Variants in ITIH5 observed in about 807,000 individuals in gnomAD.
ITIH5 encodes the protein inter-alpha-trypsin inhibitor heavy chain H5.
ITIH5 carries 65 observed loss-of-function variants against 77.5 expected under a neutral mutation model. The observed-to-expected ratio is 0.84, with a 90% CI of 0.69 to 1.03. ITIH5 has a LOEUF of 1.03. Ranked by LOEUF, ITIH5 falls within the 50% of genes least tolerant of loss-of-function variation. The pLI, the probability that ITIH5 is intolerant of heterozygous loss-of-function variation, is 0.00. For missense variants in ITIH5, 1,208 were observed against 1,213.1 expected (o/e 1.00, Z 0.06); for synonymous variants, 525 against 494.3 (o/e 1.06, Z -0.82).
At chr10:7,585,829 A>AAAAC (rs372953289) in intron 8 of ITIH5, 72 bp downstream of exon 8, 298,696 of 1,341,386 alleles carry the variant, frequency 0.22, 15,962 homozygotes, top group East Asian at 0.35. Flanking sequence ...TCTTGGCAAA[A>AAAAC]AAAAAAAAAA....
intron 2 of ITIH5, among the ~76,000 whole-genome samples, chr10:7,650,102 G>A (rs935996542): frequency 6.6e-6 from 1 of 152,188 alleles, no homozygotes; most frequent in Non-Finnish European, 1.5e-5. Context: ...AGGGACCCAA[G>A]CTTTGGGTAT....
chr10:7,662,051 T>C (rs1017814309), intron 1 of ITIH5, among the ~76,000 whole-genome samples: 3 of 152,220 alleles, frequency 2.0e-5, no homozygotes, highest in Non-Finnish European at 4.4e-5. Context: ...ACCCTGTTTA[T>C]TTTATTTACC....
chr10:7,592,600 G>A (rs1479191071), intron 7 of ITIH5, among the ~76,000 whole-genome samples: 1 of 152,206 alleles, frequency 6.6e-6, no homozygotes, highest in Non-Finnish European at 1.5e-5. Flanking sequence ...CAGCCCTTGA[G>A]AACCTAAGAC....
Position 7,666,702 on chromosome 10 carries a change from G to A in ITIH5, c.90+101C>T, listed in dbSNP as rs1367340197. On this transcript the variant is annotated intron_variant, in intron 1 of 13. Transcript: ENST00000397146. ...CCCCTGGGCCTCTGGTGGGGGCCTG[G>A]GAGACGGTCGAAGGGGGCCCGGGCA... 9.1e-6 allele frequency: 8 copies of A among 880,852 alleles called. No homozygotes were observed. The East Asian group carries it at 2.3e-4, about 26-fold the overall frequency. The allele number at this position is 880,852 out of a possible 1,614,324, so 54.6% of individuals were successfully genotyped here.
At chr10:7,629,285 CCCTGTTGTAG>C (rs1833664973) in intron 5 of ITIH5, among the ~76,000 whole-genome samples, 3 of 113,472 alleles carry the variant, frequency 2.6e-5, no homozygotes, top group Non-Finnish European at 3.6e-5. Context: ...TAGCGTGTGT[CCCTGTTGTAG>C]CGTGTGTCCA....
rs1181952205 is a variant in ITIH5, at chr10:7,629,124, C to T, written c.652+8104G>A. The stretch of plus-strand genomic sequence containing the variant: ...GTGTGTCCATGTTGTAGAGTGTGTC[C>T]GTGTTGTAGCATGTGTCCGTGTTGT... On this transcript the variant is annotated intron_variant, in intron 5 of 13. Transcript: ENST00000397146. Among the ~76,000 whole-genome samples the T allele has an allele frequency of 1.5e-5, 2 of 136,396 alleles. 1 individual carries two copies. The highest frequency in any genetic ancestry group is 3.3e-5 in the Non-Finnish European group (2 of 60,286). 89.5% of individuals were successfully genotyped at this position (136,396 alleles called of 152,430 possible).
intron 9 of ITIH5, among the ~76,000 whole-genome samples, chr10:7,579,158 T>C (rs983386317): frequency 6.6e-6 from 1 of 152,216 alleles, no homozygotes; most frequent in Non-Finnish European, 1.5e-5. Context: ...ATATAGCGAT[T>C]TTCTCATTAA....
In ITIH5 at chr10:7,637,438, G is replaced by A. The variant is rs1833820185; in HGVS notation, c.442C>T (p.Pro148Ser). The A allele has an allele frequency of 6.2e-7, 1 of 1,613,948 alleles. No homozygotes were observed. The highest frequency in any genetic ancestry group is 8.5e-7 in the Non-Finnish European group (1 of 1,179,864). The change falls in exon 5 of 14, where the codon CCC becomes TCC. Residue 148 changes from proline to serine, a missense_variant. By Grantham distance (74) the Pro-to-Ser change is moderately conservative. Coordinates refer to ENST00000397146, the MANE Select transcript of ITIH5 (RefSeq NM_030569.7). ...TEIFRASAVI[P>S]SKDKAAFFLS... ...AAAAAGGCGGCTTTGTCCTTGCTGGGAATCACTGCAGAAGCTCTGAATATT... is the reference window on the plus strand; with the variant it reads ...AAAAAGGCGGCTTTGTCCTTGCTGGAAATCACTGCAGAAGCTCTGAATATT...
intron 7 of ITIH5, among the ~76,000 whole-genome samples, chr10:7,606,517 C>T (rs1833128935): frequency 6.6e-6 from 1 of 152,174 alleles, no homozygotes; most frequent in South Asian, 2.1e-4. Context: ...AAAACAAATA[C>T]TGTATACCCT....
Position 7,566,752 on chromosome 10 carries a change from AAG to A in ITIH5, c.2150-347_2150-346del, listed in dbSNP as rs1278232268. Among the ~76,000 whole-genome samples, 32 of 55,668 alleles carry A rather than the reference AAG, an allele frequency of 5.7e-4. 6 individuals are homozygous for A. The highest frequency in any genetic ancestry group is 2.1e-3 in the African/African-American group (29 of 13,750). The allele number at this position is 55,668 out of a possible 152,430, so 36.5% of individuals were successfully genotyped here. On this transcript the variant is annotated intron_variant, in intron 12 of 13. Coordinates refer to ENST00000397146, the MANE Select transcript of ITIH5 (RefSeq NM_030569.7). The stretch of plus-strand genomic sequence containing the variant: ...AAAAAAAAAAAAAAAGAAGAAGAAG[AAG>A]AAGAAGAAGAAAGAAGAAAGAAGAA...
chr10:7,579,733 C>A (rs779051476), intron 9 of ITIH5, 22 bp downstream of exon 9: 2 of 1,604,770 alleles, frequency 1.2e-6, no homozygotes, highest in South Asian at 2.2e-5. Flanking sequence ...GCCTCTCATG[C>A]CTACGAAGAC....
At chr10:7,600,196 A>C (rs980588978) in intron 7 of ITIH5, among the ~76,000 whole-genome samples, 1 of 152,174 alleles carries the variant, frequency 6.6e-6, no homozygotes, top group Non-Finnish European at 1.5e-5. Context: ...AGTTCTAGCC[A>C]GTCATAAAGG....
chr10:7,660,201 C>G lies in ITIH5; in HGVS notation c.91-4526G>C, dbSNP rs535434185. On this transcript the variant is annotated intron_variant, in intron 1 of 13. Transcript: ENST00000397146. The stretch of plus-strand genomic sequence containing the variant: ...TCAAAAATATATATGCTCACGAAAG[C>G]ACAATAGACAAAGTGAGTTTTATAA... Among the ~76,000 whole-genome samples the G allele has an allele frequency of 7.2e-5, 11 of 152,188 alleles. No homozygotes were observed. The East Asian group carries it at 1.9e-3, about 27-fold the overall frequency.
At position 7,566,216 on chromosome 10, in the gene ITIH5, C is replaced by T; in HGVS notation, c.2341G>A (p.Val781Met). Residue 781 changes from valine to methionine, a missense_variant, in exon 13 of 14, where the codon GTG (valine) becomes ATG (methionine). By Grantham distance (21) the Val-to-Met change is conservative (BLOSUM62 1). Coordinates refer to ENST00000397146, the MANE Select transcript of ITIH5 (RefSeq NM_030569.7). ...GACACCTCCAGCCCCCAGCTCCCCACCACCACACTCTGGTTGCAGGGGAGC... is the reference window on the plus strand; with the variant it reads ...GACACCTCCAGCCCCCAGCTCCCCATCACCACACTCTGGTTGCAGGGGAGC... The part of the protein sequence containing the change: ...LVLPCNQSVV[V>M]GSWGLEVSVS... 4 of 1,613,918 alleles carry T rather than the reference C, an allele frequency of 2.5e-6. No homozygotes were observed. The highest frequency in any genetic ancestry group is 3.4e-6 in the Non-Finnish European group (4 of 1,179,906).
chr10:7,644,566 G>C (rs140908040), intron 2 of ITIH5, among the ~76,000 whole-genome samples: 15,526 of 74,034 alleles, frequency 0.21, 2,048 homozygotes, highest in East Asian at 0.38. Context: ...ACATATATAT[G>C]ATATATATCA....
chr10:7,566,293 T>G lies in ITIH5; in HGVS notation c.2264A>C (p.Tyr755Ser), dbSNP rs753084995. The stretch of plus-strand genomic sequence containing the variant: ...GACTCTGCTCGGTGTGATCTCGAGA[T>G]AAGATCTCTCTGGCTTGTTGATGAG... ...TILINKPERSYLEITPSRVIL... is the reference protein window; with the variant it reads ...TILINKPERSSLEITPSRVIL... Residue 755 changes from tyrosine to serine, a missense_variant, in exon 13 of 14, where the codon TAT becomes TCT. Coordinates refer to ENST00000397146, the MANE Select transcript of ITIH5 (RefSeq NM_030569.7). 21 of 1,613,588 alleles carry G rather than the reference T, an allele frequency of 1.3e-5. No individual in the cohort carries two copies. The highest frequency in any genetic ancestry group is 1.8e-5 in the Non-Finnish European group (21 of 1,179,904).
In ITIH5 at chr10:7,579,904, G is replaced by T. The variant is rs761916019; in HGVS notation, c.1269C>A (p.Thr423=). Residue 423 remains threonine (T), a synonymous_variant, in exon 9 of 14, where the codon ACC becomes ACA. Transcript: ENST00000397146. The stretch of plus-strand genomic sequence containing the variant: ...AGACTTGGCCTCGGGCGGCCTCTCG[G>T]GTGTTGTTGAGGATCTTGAGGGTGT... ...ETHTLKILNN[T]REAARGQVCI... 5.0e-6 allele frequency: 8 copies of T among 1,614,128 alleles called. No individual in the cohort carries two copies. The highest frequency in any genetic ancestry group is 1.6e-4 in the Middle Eastern group (1 of 6,084).
At chr10:7,644,666 T>TATATATCAC (rs1564277849) in intron 2 of ITIH5, among the ~76,000 whole-genome samples, 2 of 136,822 alleles carry the variant, frequency 1.5e-5, no homozygotes, top group African/African-American at 5.5e-5. Context: ...ATATATATCA[T>TATATATCAC]ATATATCACA....
At chr10:7,653,457 C>G (rs1415595811) in intron 2 of ITIH5, among the ~76,000 whole-genome samples, 4 of 152,164 alleles carry the variant, frequency 2.6e-5, no homozygotes, top group African/African-American at 9.7e-5. Context: ...ATTCACCCCC[C>G]TCAGCCTCCC....
Sources: gnomAD v4.1 joint callset for allele counts (sites outside exome capture counted in the v4.1 genomes callset) on GRCh38, gnomAD v4.1.1 for gene constraint, MANE v1.5 for transcripts, NCBI Gene and HGNC (gene_info 2026-07-23, HGNC 2026-07-21) for gene names.